OAT: variants seen among roughly 807,000 people sequenced by gnomAD.
OAT encodes the protein ornithine aminotransferase, mitochondrial.
In OAT, 35 loss-of-function variants were observed where a neutral mutation model predicts 48.4. The ratio of observed to expected loss-of-function variants is 0.72; its 90% CI spans 0.55 to 0.96. The LOEUF is 0.96. Ranked by LOEUF, OAT falls within the 40% of genes least tolerant of loss-of-function variation. The pLI, the probability that OAT is intolerant of heterozygous loss-of-function variation, is 0.00. For synonymous variants in OAT, 182 were observed against 198.4 expected (o/e 0.92, Z 0.70); for missense variants, 438 against 537.9 (o/e 0.81, Z 1.84).
Position 124,407,374 on chromosome 10 carries a change from C to T in OAT, c.520+1168G>A. 3.0e-6 allele frequency: 3 copies of T among 983,704 alleles called. No homozygotes were observed. The Middle Eastern group carries it at 1.6e-3, about 514-fold the overall frequency. The allele number at this position is 983,704 out of a possible 1,614,324, so 60.9% of individuals were successfully genotyped here. On this transcript the variant is annotated intron_variant, in intron 4 of 9. Coordinates refer to ENST00000368845, the MANE Select transcript of OAT (RefSeq NM_000274.4). ...GCTTCTTTCAATACTCAGGTGAAAA[C>T]ATCTTTGCACCCTTTGCTATTAAGA...
chr10:124,413,403 T>G (rs2134497065), intron 1 of OAT, among the ~76,000 whole-genome samples: 1 of 152,196 alleles, frequency 6.6e-6, no homozygotes, highest in Middle Eastern at 3.4e-3. Flanking sequence ...AAGATATTGT[T>G]GACCAGGTGC....
intron 8 of OAT, among the ~76,000 whole-genome samples, chr10:124,401,279 T>C (rs948062939): frequency 1.3e-5 from 2 of 152,228 alleles, no homozygotes; most frequent in African/African-American, 4.8e-5. Flanking sequence ...CGAAATGTAA[T>C]TCCTAAACTG....
rs1282169503 is a variant in OAT at position 124,398,031 on chromosome 10, T to C, written c.1231A>G (p.Ile411Val). The C allele has an allele frequency of 1.9e-6, 3 of 1,613,976 alleles. No homozygotes were observed. The highest frequency in any genetic ancestry group is 3.3e-5 in the Admixed American group (2 of 60,000). The change falls in exon 10 of 10, where the codon ATT becomes GTT. Residue 411 changes from isoleucine to valine, a missense_variant. Transcript: ENST00000368845. ...ACCAGCGGAGGCGCAAACCTGATAATGTCGCCATGGGTTGGCTTGGCCAGA... is the reference window on the plus strand; with the variant it reads ...ACCAGCGGAGGCGCAAACCTGATAACGTCGCCATGGGTTGGCTTGGCCAGA... ...GLLAKPTHGDIIRFAPPLVIK... is the reference protein window; with the variant it reads ...GLLAKPTHGDVIRFAPPLVIK...
intron 1 of OAT, chr10:124,415,061 G>T (rs1951877398): frequency 3.7e-5 from 1 of 26,988 alleles, no homozygotes; most frequent in Non-Finnish European, 5.6e-5. Context: ...CTCCAGCCTG[G>T]GCTACAAAGC....
At chr10:124,411,068 A>AG (rs1214041421) in intron 2 of OAT, among the ~76,000 whole-genome samples, 2 of 134,014 alleles carry the variant, frequency 1.5e-5, no homozygotes, top group Admixed American at 1.7e-4. Flanking sequence ...TGAAACCGAG[A>AG]GGTAGAGGTT....
At chr10:124,412,436 G>A (rs549142595) in intron 1 of OAT, among the ~76,000 whole-genome samples, 47 of 151,730 alleles carry the variant, frequency 3.1e-4, no homozygotes, top group African/African-American at 7.5e-4. Context: ...GCTTGAGCCC[G>A]GAAGTTGAGG....
At chr10:124,411,180 T>C (rs1951738918) in intron 2 of OAT, among the ~76,000 whole-genome samples, 1 of 142,166 alleles carries the variant, frequency 7.0e-6, no homozygotes, top group Admixed American at 7.3e-5. Flanking sequence ...AGAGATGTCA[T>C]GTCTGCAACT....
intron 6 of OAT, 29 bp from the exon 7 acceptor site, chr10:124,403,084 G>C: frequency 6.2e-7 from 1 of 1,613,064 alleles, no homozygotes; most frequent in Non-Finnish European, 8.5e-7. Context: ...ACCCCTATTA[G>C]TGATCACTTT....
chr10:124,401,782 C>A lies in OAT; in HGVS notation c.958G>T (p.Gly320Trp). 6.2e-7 allele frequency: 1 copy of A among 1,613,372 alleles called. No homozygotes were observed. Among genetic ancestry groups the A allele is most frequent in the Non-Finnish European group, 8.5e-7 (1 of 1,179,850 alleles). ...IMLTIKPGEHGSTYGGNPLGC... is the reference protein window; with the variant it reads ...IMLTIKPGEHWSTYGGNPLGC... ...AGTGGATTGCCACCGTATGTGGACC[C>A]ATGCTCCCCTGGCTTAATGGTCAGC... Residue 320 changes from glycine (G) to tryptophan (W), a missense_variant, in exon 8 of 10, where the codon GGG (glycine) becomes TGG (tryptophan). Physicochemically the swap from Gly to Trp is radical, Grantham distance 184. Coordinates refer to ENST00000368845, the MANE Select transcript of OAT (RefSeq NM_000274.4).
chr10:124,418,845 C>G (rs1952006264), intron 1 of OAT, 28 bp downstream of exon 1: 2 of 152,294 alleles, frequency 1.3e-5, no homozygotes, highest in South Asian at 2.1e-4. Context: ...CGAACCAGAG[C>G]CCCAGGACAG....
At chr10:124,411,026 G>A (rs1417710410) in intron 2 of OAT, among the ~76,000 whole-genome samples, 3 of 150,874 alleles carry the variant, frequency 2.0e-5, no homozygotes, top group African/African-American at 7.3e-5. Context: ...TGTAGTCCCA[G>A]CTCCTCGGGA....
At position 124,403,331 on chromosome 10, in the gene OAT, T is replaced by A. The variant is rs183631357; in HGVS notation, c.772-276A>T. The A allele has an allele frequency of 7.2e-4, 377 of 520,030 alleles. 4 individuals carry two copies. In the East Asian group the frequency reaches 0.013, roughly 18 times the overall value. The allele number at this position is 520,030 out of a possible 1,614,324, so 32.2% of individuals were successfully genotyped here. ...AAGGTGCTGATGCAAAGGTGAGGGTTTTGTATGGCTTTTCTGGACCTAACT... is the reference window on the plus strand; with the variant it reads ...AAGGTGCTGATGCAAAGGTGAGGGTATTGTATGGCTTTTCTGGACCTAACT... On this transcript the variant is annotated intron_variant, in intron 6 of 9. Transcript: ENST00000368845.
intron 1 of OAT, chr10:124,414,889 G>T (rs1951871822): frequency 6.6e-6 from 1 of 151,708 alleles, no homozygotes; most frequent in Non-Finnish European, 1.5e-5. Flanking sequence ...ATCAACCTGG[G>T]CAACATAGGG....
chr10:124,398,653 C>T (rs1374258806), intron 9 of OAT, among the ~76,000 whole-genome samples: 5 of 100,270 alleles, frequency 5.0e-5, no homozygotes, highest in Admixed American at 3.5e-4. Flanking sequence ...ATGAAAAAGA[C>T]CAAGCCAAAA....
intron 4 of OAT, chr10:124,406,950 A>C: frequency 1.0e-6 from 1 of 985,300 alleles, no homozygotes; most frequent in Non-Finnish European, 1.2e-6. Context: ...AGAGGATGAC[A>C]TTCAAGAAGG....
At chr10:124,415,995 T>A (rs1330013362) in intron 1 of OAT, among the ~76,000 whole-genome samples, 1 of 152,068 alleles carries the variant, frequency 6.6e-6, no homozygotes, top group East Asian at 1.9e-4. Flanking sequence ...GACAAGAAAA[T>A]TACCAGCAAT....
At position 124,409,016 on chromosome 10, in the gene OAT, A is replaced by AT. The variant is rs138112230; in HGVS notation, c.200-52_200-51insA. On this transcript the variant is annotated intron_variant, in intron 2 of 9. Transcript: ENST00000368845. Reference sequence around the variant, plus strand: ...ATTTTAGACAATTACTATACGGCATAAAGTCCAAAAATTAAGAGTGCTAGC... The same window carrying AT: ...ATTTTAGACAATTACTATACGGCATATAAGTCCAAAAATTAAGAGTGCTAGC... 110,748 of 1,432,254 alleles carry AT rather than the reference A, an allele frequency of 0.077. 4,910 individuals are homozygous for AT. The highest frequency in any genetic ancestry group is 0.082 in the Non-Finnish European group (83,835 of 1,026,688). The allele number at this position is 1,432,254 out of a possible 1,614,324, so 88.7% of individuals were successfully genotyped here.
rs1241920063 is a variant in OAT, at chr10:124,403,721, G to C, written c.771+77C>G. On this transcript the variant is annotated intron_variant, in intron 6 of 9. Coordinates refer to ENST00000368845, the MANE Select transcript of OAT (RefSeq NM_000274.4). ...AATCAGCAGAATTCAGAGAGGAGTT[G>C]GGGAGGAGCCCATTCAGCCTCATCA... 6.3e-6 allele frequency: 10 copies of C among 1,578,562 alleles called. No individual in the cohort carries two copies. In the African/African-American group the frequency reaches 9.4e-5, roughly 15 times the overall value.
In OAT at chr10:124,405,999, C is replaced by T. The variant is rs1028817370; in HGVS notation, c.521-436G>A. ...TTTTCCTTTCAAAACTCCAATACTG[C>T]AGGCTAACAACAGAATGCATTTCCA... On this transcript the variant is annotated intron_variant, in intron 4 of 9. Transcript: ENST00000368845. 12 of 1,069,468 alleles carry T rather than the reference C, an allele frequency of 1.1e-5. No individual in the cohort carries two copies. In the Admixed American group the frequency reaches 6.0e-4, roughly 53 times the overall value. The allele number at this position is 1,069,468 out of a possible 1,614,324, so 66.2% of individuals were successfully genotyped here. A position where few individuals can be genotyped will look rare whatever the true frequency, so the allele number is the denominator to read the frequency against.
Sources: allele counts gnomAD v4.1 joint callset (sites outside exome capture counted in the v4.1 genomes callset), GRCh38; gene constraint gnomAD v4.1.1; transcripts MANE v1.5; gene names NCBI Gene and HGNC (gene_info 2026-07-23, HGNC 2026-07-21).